FRMD4A: variants seen among roughly 807,000 people sequenced by gnomAD.
FRMD4A encodes the protein FERM domain-containing protein 4A.
A neutral mutation model predicts 129.1 loss-of-function variants in FRMD4A; 29 were observed. The ratio of observed to expected loss-of-function variants is 0.22; its 90% CI spans 0.17 to 0.31. The LOEUF (loss-of-function observed/expected upper bound fraction) is 0.31, where lower values mean the gene tolerates loss of function less well. Ranked by LOEUF, FRMD4A falls within the 10% of genes least tolerant of loss-of-function variation. The pLI, the probability that FRMD4A is intolerant of heterozygous loss-of-function variation, is 1.00. For synonymous variants in FRMD4A, 634 were observed against 571.6 expected (o/e 1.11, Z -1.56); for missense variants, 1,272 against 1,375.8 (o/e 0.92, Z 1.19).
chr10:13,768,069 C>T (rs1032948083), intron 6 of FRMD4A, among the ~76,000 whole-genome samples: 11 of 138,524 alleles, frequency 7.9e-5, no homozygotes, highest in Non-Finnish European at 1.3e-4. Flanking sequence ...GAACCGTGAC[C>T]GTCTGCAGGT....
At chr10:13,887,908 A>C (rs909101624) in intron 2 of FRMD4A, among the ~76,000 whole-genome samples, 2 of 152,198 alleles carry the variant, frequency 1.3e-5, no homozygotes, top group African/African-American at 4.8e-5. Flanking sequence ...TGATTCCATG[A>C]GACAACGGAA....
intron 2 of FRMD4A, among the ~76,000 whole-genome samples, chr10:14,040,726 T>C (rs1382396297): frequency 6.9e-6 from 1 of 144,850 alleles, no homozygotes; most frequent in Non-Finnish European, 1.5e-5. Context: ...TCAGAAACCA[T>C]AGACTGTCTC....
intron 2 of FRMD4A, among the ~76,000 whole-genome samples, chr10:14,257,015 A>T (rs567690127): frequency 6.3e-4 from 96 of 152,214 alleles, no homozygotes; most frequent in South Asian, 1.7e-3. Flanking sequence ...ATACTCCAAA[A>T]TTTACTCTAG....
At chr10:13,810,271 T>C (rs574421155) in intron 4 of FRMD4A, among the ~76,000 whole-genome samples, 10 of 152,362 alleles carry the variant, frequency 6.6e-5, no homozygotes, top group Admixed American at 3.3e-4. Context: ...CTTACTTGTA[T>C]TACACAACAC....
chr10:13,981,255 T>A (rs991363405), intron 2 of FRMD4A, among the ~76,000 whole-genome samples: 1 of 152,152 alleles, frequency 6.6e-6, no homozygotes, highest in Non-Finnish European at 1.5e-5. Context: ...GTTGTGGAAG[T>A]CAGCACAGTG....
chr10:14,045,948 T>C (rs1400643961), intron 2 of FRMD4A, among the ~76,000 whole-genome samples: 2 of 148,528 alleles, frequency 1.3e-5, no homozygotes, highest in East Asian at 3.9e-4. Flanking sequence ...TTCAATTTTA[T>C]ACATATGTAT....
chr10:13,764,688 C>T (rs1293777523), intron 6 of FRMD4A, among the ~76,000 whole-genome samples: 1 of 152,154 alleles, frequency 6.6e-6, no homozygotes, highest in Non-Finnish European at 1.5e-5. Context: ...CAGAATAATA[C>T]ACAATTTAAT....
chr10:14,243,612 T>C (rs751598404), intron 2 of FRMD4A, among the ~76,000 whole-genome samples: 11 of 152,102 alleles, frequency 7.2e-5, no homozygotes, highest in African/African-American at 1.2e-4. Context: ...GTCAAGTTCA[T>C]AGAGACAGAA....
chr10:14,198,998 T>C (rs1278336054), intron 2 of FRMD4A, among the ~76,000 whole-genome samples: 1 of 152,210 alleles, frequency 6.6e-6, no homozygotes, highest in Non-Finnish European at 1.5e-5. Flanking sequence ...TTATTATTTA[T>C]GGTTACATTT....
intron 2 of FRMD4A, among the ~76,000 whole-genome samples, chr10:14,059,002 A>C (rs1588887282): frequency 6.6e-6 from 1 of 152,196 alleles, no homozygotes; most frequent in Non-Finnish European, 1.5e-5. Context: ...ATGCATTTGG[A>C]TATAACTGAG....
rs1400889536 is a variant in FRMD4A at position 13,644,334 on chromosome 10, G to A, written c.*2704C>T. The A allele has an allele frequency of 6.6e-6, 1 of 152,194 alleles. No individual in the cohort carries two copies. The highest frequency in any genetic ancestry group is 2.4e-5 in the African/African-American group (1 of 41,444). 9.4% of individuals were successfully genotyped at this position (152,194 alleles called of 1,614,324 possible). A position where few individuals can be genotyped will look rare whatever the true frequency, so the allele number is the denominator to read the frequency against. ...GGATAAAGAGTTTGCAAGTGCTTGT[G>A]TACAATAACTACATCATTTCCCACC... On this transcript the variant is annotated 3_prime_UTR_variant, in exon 25 of 25. Coordinates refer to ENST00000357447, the MANE Select transcript of FRMD4A (RefSeq NM_018027.5).
intron 2 of FRMD4A, among the ~76,000 whole-genome samples, chr10:14,306,851 G>A (rs751915944): frequency 1.3e-5 from 2 of 152,096 alleles, no homozygotes; most frequent in South Asian, 2.1e-4. Flanking sequence ...TTATATATTC[G>A]AAACTCTGAA....
At chr10:14,127,891 C>A in intron 2 of FRMD4A, among the ~76,000 whole-genome samples, 1 of 151,296 alleles carries the variant, frequency 6.6e-6, no homozygotes, top group African/African-American at 2.4e-5. Flanking sequence ...CCATTTTCCC[C>A]ATATTTATAT....
Position 14,229,938 on chromosome 10 carries a change from A to G in FRMD4A, c.45+100120T>C, listed in dbSNP as rs146868187. Among the ~76,000 whole-genome samples the G allele has an allele frequency of 5.5e-3, 836 of 152,326 alleles. 5 individuals are homozygous for G. Among genetic ancestry groups the G allele is most frequent in the Non-Finnish European group, 6.9e-3 (470 of 68,020 alleles). Reference sequence around the variant, plus strand: ...AAACATGAATTGTCCTATGAACTATAAAAGTTGAGTTCATGCCCTTTGAGA... The same window carrying G: ...AAACATGAATTGTCCTATGAACTATGAAAGTTGAGTTCATGCCCTTTGAGA... On this transcript the variant is annotated intron_variant, in intron 2 of 24. Transcript: ENST00000357447.
chr10:13,843,816 C>T (rs920770654), intron 3 of FRMD4A, among the ~76,000 whole-genome samples: 4 of 152,286 alleles, frequency 2.6e-5, no homozygotes, highest in Non-Finnish European at 5.9e-5. Flanking sequence ...TGCTTTTGAA[C>T]ATTATTGTGC....
chr10:13,800,043 G>T (rs1237705826), intron 4 of FRMD4A, among the ~76,000 whole-genome samples: 1 of 151,934 alleles, frequency 6.6e-6, no homozygotes, highest in Non-Finnish European at 1.5e-5. Context: ...TTAGCCAGGC[G>T]TGGTGGCACA....
At chr10:14,140,527 C>G (rs555079899) in intron 2 of FRMD4A, among the ~76,000 whole-genome samples, 1 of 152,158 alleles carries the variant, frequency 6.6e-6, no homozygotes, top group Non-Finnish European at 1.5e-5. Flanking sequence ...TTAAATGGTA[C>G]ACGACCTTTC....
chr10:13,828,953 A>G (rs1044103459), intron 3 of FRMD4A, among the ~76,000 whole-genome samples: 1 of 152,212 alleles, frequency 6.6e-6, no homozygotes, highest in Non-Finnish European at 1.5e-5. Context: ...ATAATGATTT[A>G]TCTTCCTTTG....
In FRMD4A at chr10:13,655,640, G is replaced by A. The variant is rs1164312448; in HGVS notation, c.2953+996C>T. ...TTCCTCTTTGCCCTGCTGTCTCCAG[G>A]CACCAAGAATCTCCTACAGTTCCCC... On this transcript the variant is annotated intron_variant, in intron 22 of 24. Transcript: ENST00000357447. The A allele has an allele frequency of 2.6e-5, 4 of 152,106 alleles. No homozygotes were observed. In the East Asian group the frequency reaches 7.7e-4, roughly 29 times the overall value. The allele number at this position is 152,106 out of a possible 1,614,324, so 9.4% of individuals were successfully genotyped here.
Sources: gnomAD v4.1 joint callset for allele counts (sites outside exome capture counted in the v4.1 genomes callset) on GRCh38, gnomAD v4.1.1 for gene constraint, MANE v1.5 for transcripts, NCBI Gene and HGNC (gene_info 2026-07-23, HGNC 2026-07-21) for gene names.